Variants in GLRA3 observed in about 807,000 individuals in gnomAD.
The protein encoded by GLRA3 is glycine receptor subunit alpha-3.
Under a neutral mutation model 60.4 loss-of-function variants are expected in GLRA3, and 44 were observed. The ratio of observed to expected loss-of-function variants is 0.73; its 90% CI spans 0.57 to 0.94. The LOEUF is 0.94. Among genes scored for constraint, GLRA3 ranks in the 40% least tolerant of loss-of-function variants. The pLI, the probability that GLRA3 is intolerant of heterozygous loss-of-function variation, is 0.00. For synonymous variants in GLRA3, 223 were observed against 192.9 expected, an observed-to-expected ratio of 1.16 and a Z score of -1.29; for missense variants, 508 against 564.6, an observed-to-expected ratio of 0.90 and a Z score of 1.02.
At chr4:174,644,421 T>TA (rs58436459) in intron 9 of GLRA3, among the ~76,000 whole-genome samples, 146,175 of 151,152 alleles carry the variant, frequency 0.97, 70,826 homozygotes, top group Non-Finnish European at 1. Context: ...TTTTTTGCAT[T>TA]TTTTTTTAAA....
At position 174,744,843 on chromosome 4, in the gene GLRA3, A is replaced by C. The variant is rs527916405; in HGVS notation, c.268-16145T>G. ...CAAAATTATGAAAAAGGAATTCAAA[A>C]TTATGATATTAAAAAAGCTTAGTGA... On this transcript the variant is annotated intron_variant, in intron 3 of 9. Coordinates refer to ENST00000274093, the MANE Select transcript of GLRA3 (RefSeq NM_006529.4). Among the ~76,000 whole-genome samples, 9 of 152,344 alleles carry C rather than the reference A, an allele frequency of 5.9e-5. No homozygotes were observed. The East Asian group carries it at 1.7e-3, about 29-fold the overall frequency.
intron 3 of GLRA3, among the ~76,000 whole-genome samples, chr4:174,745,877 C>A (rs77038950): frequency 0.16 from 24,016 of 151,330 alleles, 2,489 homozygotes; most frequent in African/African-American, 0.3. Flanking sequence ...ACAGAAGTGG[C>A]CAACACATAT....
intron 3 of GLRA3, among the ~76,000 whole-genome samples, chr4:174,730,971 G>T (rs975597911): frequency 2.0e-5 from 3 of 152,062 alleles, no homozygotes; most frequent in Non-Finnish European, 2.9e-5. Context: ...TTTCAAAATC[G>T]CTAAAAGAAT....
chr4:174,793,420 ATTCATTT>A (rs1739437305), intron 1 of GLRA3, among the ~76,000 whole-genome samples: 1 of 80,058 alleles, frequency 1.2e-5, no homozygotes, highest in Non-Finnish European at 2.4e-5. Context: ...CAAAATTTAC[ATTCATTT>A]ATTTATTTAT....
At chr4:174,760,283 G>A (rs1737885948) in intron 3 of GLRA3, among the ~76,000 whole-genome samples, 1 of 152,274 alleles carries the variant, frequency 6.6e-6, no homozygotes, top group South Asian at 2.1e-4. Flanking sequence ...CAACCATTAT[G>A]TAAGTTAAAA....
At chr4:174,758,125 G>T (rs1737791919) in intron 3 of GLRA3, among the ~76,000 whole-genome samples, 1 of 152,100 alleles carries the variant, frequency 6.6e-6, no homozygotes, top group Non-Finnish European at 1.5e-5. Flanking sequence ...TTCTTGAACA[G>T]CCTACAGAAC....
At chr4:174,697,414 G>T (rs1248961185) in intron 5 of GLRA3, among the ~76,000 whole-genome samples, 1 of 152,186 alleles carries the variant, frequency 6.6e-6, no homozygotes, top group African/African-American at 2.4e-5. Context: ...CTATTGCTAG[G>T]AGAAATATTG....
intron 5 of GLRA3, among the ~76,000 whole-genome samples, chr4:174,689,526 T>C (rs1307145310): frequency 6.6e-6 from 1 of 151,994 alleles, no homozygotes; most frequent in East Asian, 1.9e-4. Context: ...ATTACCCAAA[T>C]AATGTACATT....
rs555544227 is a variant in GLRA3 at position 174,755,094 on chromosome 4, A to C, written c.267+11869T>G. Among the ~76,000 whole-genome samples the C allele has an allele frequency of 2.1e-3, 317 of 152,278 alleles. 2 individuals carry two copies. The highest frequency in any genetic ancestry group is 0.014 in the South Asian group (69 of 4,826). Reference sequence around the variant, plus strand: ...GTAGCATTGATTTATGACAATGATCAGGACTCAGAATTCAGAAACAGATCA... The same window carrying C: ...GTAGCATTGATTTATGACAATGATCCGGACTCAGAATTCAGAAACAGATCA... On this transcript the variant is annotated intron_variant, in intron 3 of 9. Transcript: ENST00000274093.
intron 2 of GLRA3, among the ~76,000 whole-genome samples, chr4:174,772,763 A>T (rs1309188359): frequency 2.6e-5 from 4 of 152,192 alleles, no homozygotes; most frequent in Non-Finnish European, 5.9e-5. Context: ...AGGAACTAAC[A>T]TGACTCGTGA....
At position 174,642,199 on chromosome 4, in the gene GLRA3, G is replaced by A; in HGVS notation, c.*1587C>T. 4 of 845,566 alleles carry A rather than the reference G, an allele frequency of 4.7e-6. No homozygotes were observed. In the South Asian group the frequency reaches 1.6e-4, roughly 34 times the overall value. The allele number at this position is 845,566 out of a possible 1,614,324, so 52.4% of individuals were successfully genotyped here. The stretch of plus-strand genomic sequence containing the variant: ...AAAAATTACAATTGTATAAGCTGAT[G>A]TACAATAACATTGTAAAGGTTTTAG... On this transcript the variant is annotated 3_prime_UTR_variant, in exon 10 of 10. Transcript: ENST00000274093.
At chr4:174,802,555 T>C (rs779998495) in intron 1 of GLRA3, among the ~76,000 whole-genome samples, 2 of 152,044 alleles carry the variant, frequency 1.3e-5, no homozygotes, top group Non-Finnish European at 2.9e-5. Context: ...CCAATTTTAG[T>C]CAACTGGAGA....
chr4:174,656,758 G>T lies in GLRA3; in HGVS notation c.1101C>A (p.Tyr367Ter). 6.3e-7 allele frequency: 1 copy of T among 1,582,524 alleles called. No homozygotes were observed. The highest frequency in any genetic ancestry group is 8.7e-7 in the Non-Finnish European group (1 of 1,151,710). ...KTEAFALEKF[Y>*]RFSDMDDEVR... ...GTCAATTTACCATATCTGAGAAACG[G>T]TAAAACTTCTCCAGTGCAAAAGCTT... is the stretch of plus-strand genomic sequence containing the variant. Residue 367 changes from tyrosine to a stop codon, truncating the protein, a stop_gained, in exon 9 of 10, where the codon TAC (tyrosine) becomes TAA (stop). Transcript: ENST00000274093. LOFTEE classifies it high-confidence loss of function.
At chr4:174,695,403 C>T (rs1374985298) in intron 5 of GLRA3, among the ~76,000 whole-genome samples, 2 of 152,070 alleles carry the variant, frequency 1.3e-5, no homozygotes, top group Non-Finnish European at 2.9e-5. Flanking sequence ...ATCAAGTAGG[C>T]TTCATTCCCA....
chr4:174,751,255 A>G (rs559386511), intron 3 of GLRA3, among the ~76,000 whole-genome samples: 103 of 152,244 alleles, frequency 6.8e-4, no homozygotes, highest in Non-Finnish European at 1.3e-3. Context: ...ATTTGTTGCC[A>G]TCGAAGGAGA....
intron 5 of GLRA3, among the ~76,000 whole-genome samples, chr4:174,693,432 T>C (rs2111020392): frequency 6.6e-6 from 1 of 152,268 alleles, no homozygotes; most frequent in Non-Finnish European, 1.5e-5. Context: ...CCCCATTGAT[T>C]TTTTTTGTCA....
intron 2 of GLRA3, among the ~76,000 whole-genome samples, chr4:174,782,231 A>C (rs1738908559): frequency 6.6e-6 from 1 of 150,548 alleles, no homozygotes; most frequent in African/African-American, 2.4e-5. Flanking sequence ...TGATTATCTC[A>C]ATAGATGCAG....
chr4:174,690,620 G>A (rs1399196410), intron 5 of GLRA3, among the ~76,000 whole-genome samples: 3 of 152,134 alleles, frequency 2.0e-5, no homozygotes, highest in Non-Finnish European at 4.4e-5. Context: ...ATTAAGTCCA[G>A]TATCCAATAG....
chr4:174,769,533 A>G (rs1738299529), intron 2 of GLRA3, among the ~76,000 whole-genome samples: 1 of 152,098 alleles, frequency 6.6e-6, no homozygotes, highest in Non-Finnish European at 1.5e-5. Flanking sequence ...CAATATGTAC[A>G]GATCCATCAG....
Sources: gnomAD v4.1 joint callset for allele counts (sites outside exome capture counted in the v4.1 genomes callset) on GRCh38, gnomAD v4.1.1 for gene constraint, MANE v1.5 for transcripts, NCBI Gene and HGNC (gene_info 2026-07-23, HGNC 2026-07-21) for gene names.